ADGRF5: variants seen among roughly 807,000 people sequenced by gnomAD.
The protein encoded by ADGRF5 is G-protein coupled receptor 116.
ADGRF5 carries 75 observed loss-of-function variants against 132.3 expected under a neutral mutation model. The observed-to-expected ratio is 0.57, with a 90% CI of 0.47 to 0.69. ADGRF5 has a LOEUF of 0.69. Ranked by LOEUF, ADGRF5 falls within the 30% of genes least tolerant of loss-of-function variation. ADGRF5 has a pLI of 0.00. For synonymous variants in ADGRF5, 629 were observed against 597.6 expected, an observed-to-expected ratio of 1.05 and a Z score of -0.77; for missense variants, 1,516 against 1,630.6, an observed-to-expected ratio of 0.93 and a Z score of 1.21.
intron 5 of ADGRF5, 91 bp from the exon 6 acceptor site, chr6:46,883,756 G>A: frequency 1.4e-6 from 1 of 717,346 alleles, no homozygotes. Context: ...TTGTTTGTTT[G>A]TTTCAGATGG....
intron 15 of ADGRF5, among the ~76,000 whole-genome samples, chr6:46,862,218 C>T (rs932544636): frequency 5.9e-5 from 9 of 152,162 alleles, no homozygotes; most frequent in Admixed American, 3.9e-4. Context: ...AAGATGTCAT[C>T]ATTACCTATA....
intron 14 of ADGRF5, 77 bp from the exon 15 acceptor site, chr6:46,863,173 A>G (rs1769994730): frequency 3.6e-6 from 4 of 1,110,470 alleles, no homozygotes; most frequent in Non-Finnish European, 5.5e-6. Flanking sequence ...AGGCCAAGGT[A>G]GAATTTTGAT....
intron 4 of ADGRF5, among the ~76,000 whole-genome samples, chr6:46,884,624 A>G (rs552857539): frequency 1.3e-5 from 2 of 152,144 alleles, no homozygotes; most frequent in Non-Finnish European, 2.9e-5. Flanking sequence ...AGGTATTCAA[A>G]CCCTTTTGTA....
In ADGRF5 at chr6:46,921,821, C is replaced by G. The variant is rs564833900; in HGVS notation, c.-133G>C. 1 of 152,456 alleles carries G rather than the reference C, an allele frequency of 6.6e-6. No homozygotes were observed. The highest frequency in any genetic ancestry group is 1.5e-5 in the Non-Finnish European group (1 of 68,232). 9.4% of individuals were successfully genotyped at this position (152,456 alleles called of 1,614,324 possible). On this transcript the variant is annotated 5_prime_UTR_variant, in exon 1 of 21. Coordinates refer to ENST00000283296, the MANE Select transcript of ADGRF5 (RefSeq NM_001098518.2). ...GTCCTGGGCCTCCTGGGCAGGGGCT[C>G]TCACGCCCAGTGGAGGGAGAACCAA...
chr6:46,923,350 T>C (rs567902177), upstream of ADGRF5, among the ~76,000 whole-genome samples: 283 of 152,308 alleles, frequency 1.9e-3, no homozygotes, highest in African/African-American at 4.5e-3. Context: ...TGGGCTCCAA[T>C]GCCTCCAAGT....
intron 2 of ADGRF5, among the ~76,000 whole-genome samples, chr6:46,902,079 T>A (rs999960843): frequency 6.6e-6 from 1 of 152,258 alleles, no homozygotes; most frequent in Admixed American, 6.5e-5. Context: ...GCCCAGTTGC[T>A]GCTTTATTTG....
At chr6:46,954,028 C>G (rs1778628133) in intron 1 of ADGRF5, among the ~76,000 whole-genome samples, 1 of 151,704 alleles carries the variant, frequency 6.6e-6, no homozygotes, top group Admixed American at 6.6e-5. Flanking sequence ...TCTCAGTGAC[C>G]TATCATCTTG....
chr6:46,891,616 T>A (rs1349440338), intron 3 of ADGRF5, among the ~76,000 whole-genome samples: 1 of 152,166 alleles, frequency 6.6e-6, no homozygotes, highest in African/African-American at 2.4e-5. Flanking sequence ...CAGGACCTGA[T>A]CCCACAAAAT....
chr6:46,854,729 A>G (rs2150770022), intron 20 of ADGRF5: 1 of 1,286,644 alleles, frequency 7.8e-7, no homozygotes, highest in East Asian at 5.6e-5. Flanking sequence ...AGATTGCTGA[A>G]CTGCCACCGC....
Position 46,869,865 on chromosome 6 carries a change from G to T in ADGRF5, c.1412-773C>A, listed in dbSNP as rs1382860427. On this transcript the variant is annotated intron_variant, in intron 11 of 20. Coordinates refer to ENST00000283296, the MANE Select transcript of ADGRF5 (RefSeq NM_001098518.2). ...ACTACAGCAATATAAGTATTTATATGTAATTAGTTTCACTATATATATACT... is the reference window on the plus strand; with the variant it reads ...ACTACAGCAATATAAGTATTTATATTTAATTAGTTTCACTATATATATACT... Among the ~76,000 whole-genome samples the T allele has an allele frequency of 3.3e-5, 5 of 152,048 alleles. No homozygotes were observed. The East Asian group carries it at 9.6e-4, about 29-fold the overall frequency.
At chr6:46,927,483 C>A (rs1015986459) in intron 1 of ADGRF5, among the ~76,000 whole-genome samples, 2 of 152,038 alleles carry the variant, frequency 1.3e-5, no homozygotes, top group South Asian at 4.2e-4. Flanking sequence ...CCAGCCCCCA[C>A]CAACACATGC....
At position 46,938,409 on chromosome 6, in the gene ADGRF5, G is replaced by C. The variant is rs1000968008; in HGVS notation, c.-25+16325C>G. Among the ~76,000 whole-genome samples, 4 of 152,146 alleles carry C rather than the reference G, an allele frequency of 2.6e-5. No individual in the cohort carries two copies. The East Asian group carries it at 7.7e-4, about 29-fold the overall frequency. ...ATTTCTGTATTTTTTGGCTCTTTCA[G>C]TCATCTTGGAAGCCAATGAGAATGA... On this transcript the variant is annotated intron_variant, in intron 1 of 20. Transcript: ENST00000265417.
chr6:46,912,790 C>G (rs1776073654), intron 1 of ADGRF5, among the ~76,000 whole-genome samples: 1 of 151,970 alleles, frequency 6.6e-6, no homozygotes, highest in Non-Finnish European at 1.5e-5. Flanking sequence ...AACACATAGC[C>G]CTCCTGTGCA....
intron 10 of ADGRF5, among the ~76,000 whole-genome samples, chr6:46,877,720 G>C (rs1581810071): frequency 6.6e-6 from 1 of 152,062 alleles, no homozygotes. Context: ...GAGGGATAAA[G>C]CTGGAGGCAC....
At chr6:46,873,126 C>T (rs138595303) in intron 10 of ADGRF5, among the ~76,000 whole-genome samples, 1 of 152,226 alleles carries the variant, frequency 6.6e-6, no homozygotes, top group African/African-American at 2.4e-5. Flanking sequence ...ATCCCTTCAT[C>T]CTTTGCCCTT....
intron 1 of ADGRF5, among the ~76,000 whole-genome samples, chr6:46,913,499 CAAA>C (rs10713382): frequency 6.8e-6 from 1 of 146,938 alleles, no homozygotes. Context: ...AACTCCACCT[CAAA>C]AAAAAAAAAG....
intron 1 of ADGRF5, among the ~76,000 whole-genome samples, chr6:46,911,358 CA>C (rs1775933460): frequency 6.6e-6 from 1 of 152,180 alleles, no homozygotes; most frequent in African/African-American, 2.4e-5. Flanking sequence ...AATGCTCACG[CA>C]AAAGTAAAAA....
At chr6:46,856,561 C>T (rs192229603) in intron 19 of ADGRF5, among the ~76,000 whole-genome samples, 157 bp downstream of exon 19, 2 of 152,188 alleles carry the variant, frequency 1.3e-5, no homozygotes, top group African/African-American at 2.4e-5. Flanking sequence ...ATGATCTATG[C>T]CAAATACAGC....
In ADGRF5 at chr6:46,881,495, G is replaced by A; in HGVS notation, c.774C>T (p.Thr258=). Residue 258 remains threonine (T), a synonymous_variant, in exon 8 of 21, where the codon ACC becomes ACT. Transcript: ENST00000283296. Reference sequence around the variant, plus strand: ...GAAAGGAGTTGTAGTCCATTTTGTAGGTCTGATTGAGGCTCTGTACAACTT... The same window carrying A: ...GAAAGGAGTTGTAGTCCATTTTGTAAGTCTGATTGAGGCTCTGTACAACTT... ...NEQVVQSLNQ[T]YKMDYNSFQA... 6.2e-7 allele frequency: 1 copy of A among 1,613,308 alleles called. No homozygotes were observed. Among genetic ancestry groups the A allele is most frequent in the Non-Finnish European group, 8.5e-7 (1 of 1,179,274 alleles).
Sources: gnomAD v4.1 joint callset for allele counts (sites outside exome capture counted in the v4.1 genomes callset) on GRCh38, gnomAD v4.1.1 for gene constraint, MANE v1.5 for transcripts, NCBI Gene and HGNC (gene_info 2026-07-23, HGNC 2026-07-21) for gene names.